The following MGA variants were observed in gnomAD, a reference collection of about 807,000 sequenced individuals.
MGA encodes the protein MAX dimerization protein MGA.
MGA carries 40 observed loss-of-function variants against 261.1 expected under a neutral mutation model. The observed-to-expected ratio is 0.15, with a 90% CI of 0.12 to 0.20. The LOEUF (loss-of-function observed/expected upper bound fraction) is 0.20. Among genes scored for constraint, MGA ranks in the 10% least tolerant of loss-of-function variants. The pLI is 1.00. For synonymous variants in MGA, 1,302 were observed against 1,290.6 expected (o/e 1.01, Z -0.19); for missense variants, 3,397 against 3,630.5 (o/e 0.94, Z 1.65).
At position 41,768,712 on chromosome 15, in the gene MGA, G is replaced by A. The variant is rs1386486545; in HGVS notation, c.*1432G>A. The A allele has an allele frequency of 1.3e-5, 2 of 152,740 alleles. No individual in the cohort carries two copies. The highest frequency in any genetic ancestry group is 3.9e-4 in the East Asian group (2 of 5,186). The allele number at this position is 152,740 out of a possible 1,614,324, so 9.5% of individuals were successfully genotyped here. On this transcript the variant is annotated 3_prime_UTR_variant, in exon 24 of 24. Transcript: ENST00000219905. Reference sequence around the variant, plus strand: ...GCTTCCAGTGCCTGGGCCGTGCCTAGGTGATGCTATTTCTTCTATATCTCC... The same window carrying A: ...GCTTCCAGTGCCTGGGCCGTGCCTAAGTGATGCTATTTCTTCTATATCTCC...
chr15:41,652,187 A>T (rs2057078046), intron 1 of MGA, among the ~76,000 whole-genome samples: 2 of 148,200 alleles, frequency 1.3e-5, no homozygotes, highest in South Asian at 4.3e-4. Flanking sequence ...GTTAGCCAGG[A>T]TGGTCTCAAT....
chr15:41,662,054 C>T (rs1361773045), intron 1 of MGA, among the ~76,000 whole-genome samples: 4 of 152,090 alleles, frequency 2.6e-5, no homozygotes, highest in Non-Finnish European at 5.9e-5. Context: ...CTGCTCCTCT[C>T]GGGGAAGGCA....
chr15:41,641,509 GAGA>G (rs1461236802), intron 1 of MGA, among the ~76,000 whole-genome samples: 2 of 42,778 alleles, frequency 4.7e-5, no homozygotes, highest in Non-Finnish European at 9.6e-5. Context: ...TTTTTTTTTT[GAGA>G]AGGAGTCTTG....
Position 41,696,338 on chromosome 15 carries a change from C to G in MGA, c.1328C>G (p.Ser443Cys). ...AACCCAGAAGCTGACCATCTATCTT[C>G]TAAATGGCTTCCAAGCAGCCCATCA... Residue 443 changes from serine (S) to cysteine (C), a missense_variant, in exon 3 of 24, where the codon TCT (serine) becomes TGT (cysteine). This residue lies in a region of MGA where 563 missense variants were observed against 563.6 expected (regional missense o/e 1.00). Transcript: ENST00000219905. 2 of 1,613,936 alleles carry G rather than the reference C, an allele frequency of 1.2e-6. No homozygotes were observed. Among genetic ancestry groups the G allele is most frequent in the Non-Finnish European group, 1.7e-6 (2 of 1,179,890 alleles).
Position 41,701,921 on chromosome 15 carries a change from G to C in MGA, c.2188+2762G>C, listed in dbSNP as rs564796857. The stretch of plus-strand genomic sequence containing the variant: ...TGAAAAACAATTAAATCTGTAATCT[G>C]TCTGGTACTTACTTTTCAATGTGTG... On this transcript the variant is annotated intron_variant, in intron 5 of 23. Transcript: ENST00000219905. Among the ~76,000 whole-genome samples the C allele has an allele frequency of 3.0e-4, 46 of 152,148 alleles. No individual in the cohort carries two copies. The South Asian group carries it at 8.7e-3, about 29-fold the overall frequency.
rs757289774 is a variant in MGA at position 41,766,635 on chromosome 15, G to A, written c.8553G>A (p.Met2851Ile). The A allele has an allele frequency of 6.2e-7, 1 of 1,613,982 alleles. No homozygotes were observed. Among genetic ancestry groups the A allele is most frequent in the Admixed American group, 1.7e-5 (1 of 60,018 alleles). The stretch of plus-strand genomic sequence containing the variant: ...GCCTGGCTGAACTACCCAGCTCTAT[G>A]GATACAGAGTTCCCAGGGGATGCTC... The change falls in exon 24 of 24, where the codon ATG (methionine) becomes ATA (isoleucine). Residue 2851 changes from methionine (M) to isoleucine (I), a missense_variant. Met to Ile is a conservative substitution (Grantham distance 10). Coordinates refer to ENST00000219905, the MANE Select transcript of MGA (RefSeq NM_001164273.2).
rs1335790839 is a variant in MGA, at chr15:41,742,880, C to T, written c.4920C>T (p.Val1640=). 6.2e-7 allele frequency: 1 copy of T among 1,614,014 alleles called. No individual in the cohort carries two copies. The highest frequency in any genetic ancestry group is 1.1e-5 in the South Asian group (1 of 91,080). ...CCACCACTACAGGGGTTGTTGAGGTCTCTGAAACTAATACCAGCACCTCTG... is the reference window on the plus strand; with the variant it reads ...CCACCACTACAGGGGTTGTTGAGGTTTCTGAAACTAATACCAGCACCTCTG... Residue 1640 remains valine, a synonymous_variant, in exon 15 of 24, where the codon GTC becomes GTT. Transcript: ENST00000219905.
rs2063906739 is a variant in MGA, at chr15:41,768,519, G to T, written c.*1239G>T. ...GTAAATAATCATGGTGCACTTGAGG[G>T]GTCTCTTGGAAACTCCTAGGGGGTC... On this transcript the variant is annotated 3_prime_UTR_variant, in exon 24 of 24. Transcript: ENST00000219905. The T allele has an allele frequency of 6.6e-6, 1 of 152,468 alleles. No homozygotes were observed. Among genetic ancestry groups the T allele is most frequent in the Non-Finnish European group, 1.5e-5 (1 of 68,010 alleles). The allele number at this position is 152,468 out of a possible 1,614,324, so 9.4% of individuals were successfully genotyped here. A position where few individuals can be genotyped will look rare whatever the true frequency, so the allele number is the denominator to read the frequency against.
At position 41,749,321 on chromosome 15, in the gene MGA, C is replaced by G. The variant is rs750247479; in HGVS notation, c.5714C>G (p.Ser1905Cys). 5 of 1,613,970 alleles carry G rather than the reference C, an allele frequency of 3.1e-6. No homozygotes were observed. The highest frequency in any genetic ancestry group is 3.4e-6 in the Non-Finnish European group (4 of 1,179,852). ...GCTGGTACATTGACCCTGAGGATTT[C>G]TCCTCCTGAACCACAAAGCTTTGCA... Residue 1905 changes from serine to cysteine, a missense_variant, in exon 17 of 24, where the codon TCT (serine) becomes TGT (cysteine). This residue lies in a region of MGA where 1,410 missense variants were observed against 1,386.4 expected (regional missense o/e 1.02). Transcript: ENST00000219905.
At chr15:41,648,388 G>C (rs767736333) in intron 1 of MGA, among the ~76,000 whole-genome samples, 4 of 152,204 alleles carry the variant, frequency 2.6e-5, no homozygotes, top group Non-Finnish European at 5.9e-5. Context: ...GATTAAATGA[G>C]TTAATATATG....
At chr15:41,664,223 C>T (rs1595609660) in intron 1 of MGA, among the ~76,000 whole-genome samples, 1 of 152,122 alleles carries the variant, frequency 6.6e-6, no homozygotes, top group Admixed American at 6.6e-5. Flanking sequence ...TGCCTGTGCA[C>T]AAAGTTGAAA....
chr15:41,762,477 TTTTTTTTTTTTTTTG>T lies in MGA; in HGVS notation c.7744+116_7744+130del, dbSNP rs2063533713. 5 of 735,390 alleles carry T rather than the reference TTTTTTTTTTTTTTTG, an allele frequency of 6.8e-6. No individual in the cohort carries two copies. The South Asian group carries it at 1.1e-4, about 16-fold the overall frequency. 45.6% of individuals were successfully genotyped at this position (735,390 alleles called of 1,614,324 possible). On this transcript the variant is annotated intron_variant, in intron 22 of 23. Coordinates refer to ENST00000219905, the MANE Select transcript of MGA (RefSeq NM_001164273.2). The stretch of plus-strand genomic sequence containing the variant: ...TTTTGTGTGGTTTTTTTTTTTTTTT[TTTTTTTTTTTTTTTG>T]GAGACAGCTCTGTCGCCCAGGCTGC...
At chr15:41,684,954 T>G (rs2058874415) in intron 2 of MGA, among the ~76,000 whole-genome samples, 1 of 152,220 alleles carries the variant, frequency 6.6e-6, no homozygotes, top group African/African-American at 2.4e-5. Context: ...ATACATTTAT[T>G]AAAAATTATT....
At chr15:41,623,510 G>A (rs900865314) in intron 1 of MGA, among the ~76,000 whole-genome samples, 2 of 151,860 alleles carry the variant, frequency 1.3e-5, no homozygotes, top group African/African-American at 4.8e-5. Context: ...TTTGGGAGGC[G>A]GAGGCGGGTG....
At chr15:41,673,537 TTTC>T (rs1454702147) in intron 2 of MGA, among the ~76,000 whole-genome samples, 8 of 135,058 alleles carry the variant, frequency 5.9e-5, no homozygotes, top group Non-Finnish European at 1.3e-4. Flanking sequence ...TTTTTCTTTC[TTTC>T]TTTTTTTTTT....
At position 41,750,565 on chromosome 15, in the gene MGA, G is replaced by T. The variant is rs745676096; in HGVS notation, c.6958G>T (p.Val2320Leu). Residue 2320 changes from valine (V) to leucine (L), a missense_variant, in exon 17 of 24, where the codon GTG becomes TTG. Coordinates refer to ENST00000219905, the MANE Select transcript of MGA (RefSeq NM_001164273.2). ...AACTGATGATTCTATTGATGAAATT[G>T]TGGATGTTGTTTCTGACTACCAGAG... The T allele has an allele frequency of 6.2e-7, 1 of 1,611,624 alleles. No individual in the cohort carries two copies. The highest frequency in any genetic ancestry group is 1.1e-5 in the South Asian group (1 of 90,580).
rs117416727 is a variant in MGA, at chr15:41,631,415, C to A, written c.-68+10117C>A. ...AAGTACATAGGCCCACACCTGTAAT[C>A]CCAGCACTTTGGGAAGCCAAGGAAG... On this transcript the variant is annotated intron_variant, in intron 1 of 8. Transcript: ENST00000566718. Among the ~76,000 whole-genome samples, 1,498 of 152,284 alleles carry A rather than the reference C, an allele frequency of 9.8e-3. 16 individuals carry two copies. Among genetic ancestry groups the A allele is most frequent in the Non-Finnish European group, 0.016 (1,095 of 68,024 alleles).
At position 41,749,156 on chromosome 15, in the gene MGA, A is replaced by G. The variant is rs774934885; in HGVS notation, c.5549A>G (p.Glu1850Gly). 3 of 1,613,974 alleles carry G rather than the reference A, an allele frequency of 1.9e-6. No homozygotes were observed. The Admixed American group carries it at 5.0e-5, about 27-fold the overall frequency. Residue 1850 changes from glutamate (E) to glycine (G), a missense_variant, in exon 17 of 24, where the codon GAG (glutamate) becomes GGG (glycine). Transcript: ENST00000219905. ...TTACCTGCTCCTTCCAAACCCTCTG[A>G]GACTCCGCCATCTTCCACTTCGTCC...
intron 9 of MGA, among the ~76,000 whole-genome samples, chr15:41,715,054 T>G (rs2060556991): frequency 6.6e-6 from 1 of 151,966 alleles, no homozygotes; most frequent in African/African-American, 2.4e-5. Flanking sequence ...TTGTTCAAGG[T>G]TCCCTCCCCC....
Sources: gnomAD v4.1 joint callset for allele counts (sites outside exome capture counted in the v4.1 genomes callset) on GRCh38, gnomAD v4.1.1 for gene constraint, gnomAD v4.1.1 regional missense constraint, MANE v1.5 for transcripts, NCBI Gene and HGNC (gene_info 2026-07-23, HGNC 2026-07-21) for gene names.